Variants in AFG2B observed in about 807,000 individuals in gnomAD.
The protein encoded by AFG2B is ATPase family gene 2 protein homolog B.
chr15:45,419,505 A>G, the AFG2B span, among the ~76,000 whole-genome samples: 1 of 151,978 alleles, frequency 6.6e-6, no homozygotes, highest in Non-Finnish European at 1.5e-5. Flanking sequence ...TGGCCAGGAC[A>G]CACGGGTCCT....
the AFG2B span, chr15:45,402,553 C>T: frequency 6.3e-7 from 1 of 1,586,584 alleles, no homozygotes; most frequent in Admixed American, 1.8e-5. Flanking sequence ...CCTGGGCGCG[C>T]GCTTGGGCTC....
the AFG2B span, among the ~76,000 whole-genome samples, chr15:45,406,827 C>T: frequency 1.7e-4 from 26 of 152,228 alleles, no homozygotes; most frequent in Middle Eastern, 3.2e-3. Context: ...TTTATTTCTA[C>T]AGTTACACCG....
the AFG2B span, chr15:45,402,433 G>C: frequency 6.2e-7 from 1 of 1,601,564 alleles, no homozygotes; most frequent in Non-Finnish European, 8.5e-7. Flanking sequence ...GTGTGCGATG[G>C]CTCCGGACTC....
chr15:45,410,253 A>G, the AFG2B span: 4 of 1,151,516 alleles, frequency 3.5e-6, no homozygotes, highest in Non-Finnish European at 4.9e-6. Context: ...AATTGTTTTT[A>G]TAATGATAAC....
chr15:45,404,282 G>A, the AFG2B span, among the ~76,000 whole-genome samples: 3 of 152,204 alleles, frequency 2.0e-5, no homozygotes, highest in South Asian at 6.2e-4. Flanking sequence ...GTCCTTAAGG[G>A]CAGGGACCTA....
At chr15:45,420,260 G>A in the AFG2B span, among the ~76,000 whole-genome samples, 1 of 151,716 alleles carries the variant, frequency 6.6e-6, no homozygotes, top group Non-Finnish European at 1.5e-5. Context: ...CTACTTTTTT[G>A]CTATTATGAG....
At chr15:45,412,829 A>G in the AFG2B span, among the ~76,000 whole-genome samples, 1 of 152,350 alleles carries the variant, frequency 6.6e-6, no homozygotes, top group Admixed American at 6.5e-5. Context: ...TGTGGGACGC[A>G]ACTCTTCAGA....
At chr15:45,414,699 C>T in the AFG2B span, 5 of 1,614,070 alleles carry the variant, frequency 3.1e-6, no homozygotes, top group African/African-American at 2.7e-5. Flanking sequence ...TGGCCACAAG[C>T]TGTCACTGCT....
At chr15:45,415,684 A>G in the AFG2B span, 2 of 1,614,018 alleles carry the variant, frequency 1.2e-6, no homozygotes, top group Non-Finnish European at 1.7e-6. Flanking sequence ...ACAGGATGTG[A>G]TGTTCAAGAA....
chr15:45,418,599 A>G, the AFG2B span: 44 of 1,613,778 alleles, frequency 2.7e-5, 1 homozygote, highest in South Asian at 9.9e-5. Flanking sequence ...AACCATGCCA[A>G]TAGGGCCTGA....
chr15:45,415,647 A>G, the AFG2B span: 178 of 1,614,056 alleles, frequency 1.1e-4, 1 homozygote, highest in Non-Finnish European at 1.3e-4. Flanking sequence ...AATTGATTCA[A>G]TCTTGGGAGC....
chr15:45,417,519 T>G, the AFG2B span: 1 of 943,914 alleles, frequency 1.1e-6, no homozygotes, highest in Non-Finnish European at 1.5e-6. Flanking sequence ...TGGTGGCCTT[T>G]CATGACATCA....
the AFG2B span, among the ~76,000 whole-genome samples, chr15:45,404,467 A>C: frequency 1.4e-5 from 2 of 141,638 alleles, no homozygotes; most frequent in Non-Finnish European, 3.0e-5. Context: ...ACTAGTTCCA[A>C]AGTGGTTCAC....
the AFG2B span, chr15:45,415,757 A>G: frequency 3.7e-6 from 6 of 1,613,864 alleles, no homozygotes; most frequent in Non-Finnish European, 4.2e-6. Context: ...TAGAGAGAAG[A>G]GGAAGTAAAT....
the AFG2B span, chr15:45,414,441 T>C: frequency 1.3e-6 from 1 of 755,006 alleles, no homozygotes; most frequent in Non-Finnish European, 2.2e-6. Context: ...ATCTCTGCAG[T>C]GTGGAGAATG....
the AFG2B span, among the ~76,000 whole-genome samples, chr15:45,409,092 T>C: frequency 5.3e-5 from 8 of 152,110 alleles, no homozygotes; most frequent in African/African-American, 1.9e-4. Flanking sequence ...AGTTTGGAAA[T>C]GGGCCACGTG....
At chr15:45,409,687 C>T in the AFG2B span, among the ~76,000 whole-genome samples, 63 of 151,774 alleles carry the variant, frequency 4.2e-4, 1 homozygote, top group East Asian at 0.012. Flanking sequence ...ATAGGGAGAC[C>T]GCATCTCTAC....
chr15:45,403,669 C>A, the AFG2B span: 1 of 964,412 alleles, frequency 1.0e-6, no homozygotes, highest in Non-Finnish European at 1.5e-6. Flanking sequence ...ACGTTCTCTG[C>A]CGATATATGA....
chr15:45,404,263 A>G, the AFG2B span, among the ~76,000 whole-genome samples: 2 of 152,190 alleles, frequency 1.3e-5, no homozygotes, highest in Non-Finnish European at 1.5e-5. Flanking sequence ...TGCACTATCT[A>G]GTACCTGTGT....
Sources: gnomAD v4.1 joint callset for allele counts (sites outside exome capture counted in the v4.1 genomes callset) on GRCh38, gnomAD v4.1.1 for gene constraint, MANE v1.5 for transcripts, NCBI Gene and HGNC (gene_info 2026-07-23, HGNC 2026-07-21) for gene names.